SEMA3A: variants seen among roughly 807,000 people sequenced by gnomAD.
The protein encoded by SEMA3A is semaphorin 3A, also known as semaphorin-3A.
A neutral mutation model predicts 97.9 loss-of-function variants in SEMA3A; 29 were observed. The observed-to-expected ratio is 0.30, with a 90% CI of 0.22 to 0.40. The LOEUF (loss-of-function observed/expected upper bound fraction) is 0.40, where lower values mean the gene tolerates loss of function less well. Among genes scored for constraint, SEMA3A ranks in the 10% least tolerant of loss-of-function variants. The pLI, the probability that SEMA3A is intolerant of heterozygous loss-of-function variation, is 1.00. For missense variants in SEMA3A, 763 were observed against 951.3 expected (o/e 0.80, Z 2.60); for synonymous variants, 321 against 323.7 (o/e 0.99, Z 0.09).
intron 5 of SEMA3A, among the ~76,000 whole-genome samples, chr7:84,049,625 T>C (rs900444671): frequency 6.6e-6 from 1 of 152,140 alleles, no homozygotes; most frequent in Non-Finnish European, 1.5e-5. Context: ...ATATATTTTT[T>C]AAAAATGCCT....
intron 4 of SEMA3A, among the ~76,000 whole-genome samples, chr7:84,068,702 G>T (rs1793632428): frequency 6.6e-6 from 1 of 152,000 alleles, no homozygotes; most frequent in Non-Finnish European, 1.5e-5. Flanking sequence ...TTTATGTCTG[G>T]GATCATATGT....
intron 1 of SEMA3A, among the ~76,000 whole-genome samples, chr7:84,141,778 C>T (rs905371410): frequency 3.3e-5 from 5 of 152,106 alleles, no homozygotes; most frequent in African/African-American, 9.7e-5. Context: ...TAACTGAGAA[C>T]ATGCAGTATT....
At chr7:84,142,838 T>A (rs1796333234) in intron 1 of SEMA3A, among the ~76,000 whole-genome samples, 1 of 152,178 alleles carries the variant, frequency 6.6e-6, no homozygotes, top group South Asian at 2.1e-4. Context: ...TTACATATTG[T>A]ACAAACATCT....
intron 6 of SEMA3A, among the ~76,000 whole-genome samples, chr7:84,033,261 T>A (rs190688974): frequency 1.4e-4 from 22 of 152,288 alleles, no homozygotes; most frequent in African/African-American, 4.8e-4. Context: ...ATTCTTAATA[T>A]GTAGTTATGG....
intron 1 of SEMA3A, among the ~76,000 whole-genome samples, chr7:84,463,893 A>G (rs572007784): frequency 1.3e-5 from 2 of 152,100 alleles, no homozygotes; most frequent in Admixed American, 1.3e-4. Flanking sequence ...TATATTTTGT[A>G]TGCCACTGTT....
intron 3 of SEMA3A, among the ~76,000 whole-genome samples, chr7:84,277,954 T>C (rs1449159333): frequency 3.3e-5 from 5 of 152,148 alleles, no homozygotes; most frequent in Non-Finnish European, 5.9e-5. Flanking sequence ...AAGCTTTTTC[T>C]TTCTCTGCCA....
chr7:84,014,186 CA>C, intron 7 of SEMA3A, 22 bp downstream of exon 7: 1 of 1,583,040 alleles, frequency 6.3e-7, no homozygotes. Context: ...ACATCCTTCT[CA>C]GTTTTTTTTT....
chr7:84,089,516 T>C (rs1202708736), intron 4 of SEMA3A, among the ~76,000 whole-genome samples: 3 of 120,924 alleles, frequency 2.5e-5, no homozygotes, highest in Admixed American at 1.8e-4. Flanking sequence ...GAGTCAACCA[T>C]ATAAGTCTGT....
At chr7:83,983,903 CT>C (rs1254206222) in intron 13 of SEMA3A, among the ~76,000 whole-genome samples, 1 of 152,088 alleles carries the variant, frequency 6.6e-6, no homozygotes, top group East Asian at 1.9e-4. Context: ...ACTTGTCCCT[CT>C]TGAAACTACT....
chr7:84,264,896 A>C (rs1251839395), intron 3 of SEMA3A, among the ~76,000 whole-genome samples: 2 of 152,136 alleles, frequency 1.3e-5, no homozygotes, highest in African/African-American at 4.8e-5. Flanking sequence ...GAAGTTGTCT[A>C]AACTTGTGTC....
At position 84,210,881 on chromosome 7, in the gene SEMA3A, A is replaced by G. The variant is rs1460597662; in HGVS notation, c.-82-16213T>C. On this transcript the variant is annotated intron_variant, in intron 3 of 3. Transcript: ENST00000424555. ...ATATTGTCAACACAAAACAGTGGTA[A>G]CATTACGTATCTGCAGGCTTAAGCA... Among the ~76,000 whole-genome samples the G allele has an allele frequency of 2.6e-5, 4 of 152,224 alleles. No individual in the cohort carries two copies. In the East Asian group the frequency reaches 7.7e-4, roughly 29 times the overall value.
intron 1 of SEMA3A, among the ~76,000 whole-genome samples, chr7:84,140,368 C>T (rs1796261676): frequency 6.6e-6 from 1 of 152,086 alleles, no homozygotes; most frequent in Non-Finnish European, 1.5e-5. Context: ...GGAGGAAGAA[C>T]TCCTGTATAT....
intron 3 of SEMA3A, among the ~76,000 whole-genome samples, chr7:84,209,195 C>G (rs1320740261): frequency 6.6e-6 from 1 of 152,282 alleles, no homozygotes; most frequent in East Asian, 1.9e-4. Context: ...GTAACCACTT[C>G]TTAGTGATTC....
chr7:83,989,003 A>G (rs1789766677), intron 12 of SEMA3A, among the ~76,000 whole-genome samples: 2 of 152,224 alleles, frequency 1.3e-5, no homozygotes, highest in African/African-American at 2.4e-5. Context: ...AGGTTTGTAC[A>G]ATATTGGAAT....
At chr7:84,360,876 C>T (rs1471827521) in intron 2 of SEMA3A, among the ~76,000 whole-genome samples, 1 of 151,906 alleles carries the variant, frequency 6.6e-6, no homozygotes, top group Non-Finnish European at 1.5e-5. Context: ...TCACTGCAAC[C>T]TCTGCCATGC....
At chr7:84,125,721 G>C (rs1373265909) in intron 3 of SEMA3A, among the ~76,000 whole-genome samples, 1 of 152,190 alleles carries the variant, frequency 6.6e-6, no homozygotes, top group Non-Finnish European at 1.5e-5. Context: ...CAAAGATAGA[G>C]AGGGAGAGAG....
chr7:84,215,783 T>C (rs1294124542), intron 3 of SEMA3A, among the ~76,000 whole-genome samples: 1 of 152,202 alleles, frequency 6.6e-6, no homozygotes, highest in Non-Finnish European at 1.5e-5. Flanking sequence ...CTAGTATAAC[T>C]GGGGAAAATT....
chr7:84,462,811 A>C (rs1174752214), intron 1 of SEMA3A, among the ~76,000 whole-genome samples: 1 of 152,012 alleles, frequency 6.6e-6, no homozygotes, highest in Non-Finnish European at 1.5e-5. Context: ...ATAGCTATAG[A>C]TAGATAGACA....
intron 6 of SEMA3A, among the ~76,000 whole-genome samples, chr7:84,044,471 A>G (rs533176175): frequency 1.5e-4 from 23 of 152,194 alleles, no homozygotes; most frequent in Admixed American, 1.5e-3. Context: ...AGCATTTTAA[A>G]GAATAAAGAA....
Sources: gnomAD v4.1 joint callset for allele counts (sites outside exome capture counted in the v4.1 genomes callset) on GRCh38, gnomAD v4.1.1 for gene constraint, MANE v1.5 for transcripts, NCBI Gene and HGNC (gene_info 2026-07-23, HGNC 2026-07-21) for gene names.